Variants in XYLT1 observed in about 807,000 individuals in gnomAD.
XYLT1 encodes xylosyltransferase 1.
Under a neutral mutation model 91.3 loss-of-function variants are expected in XYLT1, and 36 were observed. The ratio of observed to expected loss-of-function variants is 0.39; its 90% CI spans 0.30 to 0.52. XYLT1 has a LOEUF of 0.52. Among genes scored for constraint, XYLT1 ranks in the 20% least tolerant of loss-of-function variants. The pLI is 0.68. For synonymous variants in XYLT1, 588 were observed against 532.0 expected, an observed-to-expected ratio of 1.11 and a Z score of -1.45; for missense variants, 1,242 against 1,284.5, an observed-to-expected ratio of 0.97 and a Z score of 0.51.
chr16:17,307,656 G>A (rs902734471), intron 2 of XYLT1, among the ~76,000 whole-genome samples: 9 of 152,182 alleles, frequency 5.9e-5, no homozygotes, highest in African/African-American at 1.9e-4. Context: ...TCTGCACAGT[G>A]AGCTGGAAAA....
At chr16:17,466,338 T>G (rs1437053318) in intron 1 of XYLT1, among the ~76,000 whole-genome samples, 1 of 152,174 alleles carries the variant, frequency 6.6e-6, no homozygotes, top group African/African-American at 2.4e-5. Flanking sequence ...TATAGATGGA[T>G]TTATGACCTT....
chr16:17,309,717 CT>C (rs1455507529), intron 2 of XYLT1, among the ~76,000 whole-genome samples: 1 of 152,214 alleles, frequency 6.6e-6, no homozygotes, highest in Non-Finnish European at 1.5e-5. Context: ...CAAAGGGATT[CT>C]TTGGAAGCAC....
intron 2 of XYLT1, among the ~76,000 whole-genome samples, chr16:17,305,970 G>A (rs2034465159): frequency 6.6e-6 from 1 of 152,078 alleles, no homozygotes; most frequent in Non-Finnish European, 1.5e-5. Flanking sequence ...GACAGGAAGG[G>A]ACAGTACCCT....
intron 1 of XYLT1, among the ~76,000 whole-genome samples, chr16:17,425,006 G>A (rs1407978490): frequency 6.6e-6 from 1 of 152,102 alleles, no homozygotes; most frequent in African/African-American, 2.4e-5. Flanking sequence ...ACCTCCTGTG[G>A]CATCAGCCTC....
chr16:17,237,652 T>C (rs926638821), intron 3 of XYLT1, among the ~76,000 whole-genome samples: 12 of 152,224 alleles, frequency 7.9e-5, no homozygotes, highest in African/African-American at 2.9e-4. Context: ...TTCATCAGCA[T>C]TTCTTACCAG....
intron 5 of XYLT1, among the ~76,000 whole-genome samples, chr16:17,162,721 A>G (rs1394233386): frequency 6.6e-6 from 1 of 152,366 alleles, no homozygotes; most frequent in African/African-American, 2.4e-5. Context: ...CCCAATACCT[A>G]TTGAGCAACA....
At chr16:17,273,194 T>C (rs1305755202) in intron 2 of XYLT1, among the ~76,000 whole-genome samples, 1 of 152,238 alleles carries the variant, frequency 6.6e-6, no homozygotes, top group African/African-American at 2.4e-5. Flanking sequence ...AGCTGAATTT[T>C]CTAGGAAAGT....
intron 1 of XYLT1, among the ~76,000 whole-genome samples, chr16:17,363,048 C>G (rs2035405073): frequency 6.6e-6 from 1 of 152,220 alleles, no homozygotes; most frequent in African/African-American, 2.4e-5. Context: ...CTCACTGTCA[C>G]TCATCATCCA....
intron 5 of XYLT1, among the ~76,000 whole-genome samples, chr16:17,185,740 C>T (rs1230143154): frequency 1.3e-5 from 2 of 152,174 alleles, no homozygotes; most frequent in African/African-American, 4.8e-5. Context: ...GTGGCTCACA[C>T]CTGTAATCCT....
chr16:17,139,563 G>A (rs1374888769), intron 7 of XYLT1, among the ~76,000 whole-genome samples: 2 of 152,102 alleles, frequency 1.3e-5, no homozygotes, highest in Admixed American at 6.5e-5. Context: ...GGCTCCAGCC[G>A]CCACCCCCTG....
In XYLT1 at chr16:17,470,763, G is replaced by A; in HGVS notation, c.34C>T (p.Arg12Trp). The A allele has an allele frequency of 1.3e-5, 14 of 1,077,696 alleles. No homozygotes were observed. Among genetic ancestry groups the A allele is most frequent in the Non-Finnish European group, 1.5e-5 (13 of 882,954 alleles). The allele number at this position is 1,077,696 out of a possible 1,614,324, so 66.8% of individuals were successfully genotyped here. The part of the protein sequence containing the change: ...VAAPCARRLA[R>W]RSHSALLAAL... The stretch of plus-strand genomic sequence containing the variant: ...GCGAGCAGCGCCGAGTGCGAGCGCC[G>A]GGCCAGCCTCCGGGCGCACGGCGCC... Residue 12 changes from arginine to tryptophan, a missense_variant, in exon 1 of 12, where the codon CGG becomes TGG. By Grantham distance (101) the Arg-to-Trp change is moderately radical. Coordinates refer to ENST00000261381, the MANE Select transcript of XYLT1 (RefSeq NM_022166.4).
chr16:17,407,771 G>A (rs1288414321), intron 1 of XYLT1, among the ~76,000 whole-genome samples: 2 of 152,236 alleles, frequency 1.3e-5, no homozygotes, highest in East Asian at 1.9e-4. Flanking sequence ...CTCTGCTATG[G>A]CTTAGATGTG....
chr16:17,246,326 T>C (rs921936928), intron 3 of XYLT1, among the ~76,000 whole-genome samples: 1 of 152,228 alleles, frequency 6.6e-6, no homozygotes, highest in Non-Finnish European at 1.5e-5. Flanking sequence ...ATAGAGACCT[T>C]AGCTCCCTGT....
intron 6 of XYLT1, among the ~76,000 whole-genome samples, chr16:17,158,258 C>A (rs1597157992): frequency 6.6e-6 from 1 of 152,182 alleles, no homozygotes; most frequent in South Asian, 2.1e-4. Context: ...GTGCCTCCCA[C>A]CCCTGCTGAT....
chr16:17,171,737 C>T (rs767554002), intron 5 of XYLT1, among the ~76,000 whole-genome samples: 5 of 152,336 alleles, frequency 3.3e-5, no homozygotes, highest in Middle Eastern at 6.8e-3. Flanking sequence ...CAGGTTGGGG[C>T]TGGGCAGCTG....
At chr16:17,221,119 A>G (rs1449817380) in intron 3 of XYLT1, among the ~76,000 whole-genome samples, 1 of 152,008 alleles carries the variant, frequency 6.6e-6, no homozygotes, top group Non-Finnish European at 1.5e-5. Flanking sequence ...TCACCTCCTA[A>G]CATATTGTTT....
chr16:17,397,841 T>G (rs886693674), intron 1 of XYLT1, among the ~76,000 whole-genome samples: 3 of 150,316 alleles, frequency 2.0e-5, no homozygotes, highest in African/African-American at 7.4e-5. Context: ...TTTTTTTTTT[T>G]TTTTTTTGAG....
chr16:17,469,968 G>C (rs2036959982), intron 1 of XYLT1, among the ~76,000 whole-genome samples: 1 of 152,168 alleles, frequency 6.6e-6, no homozygotes, highest in South Asian at 2.1e-4. Context: ...CGCAGGCCAG[G>C]ACGAACAGAG....
chr16:17,209,325 T>C (rs944663479), intron 3 of XYLT1, among the ~76,000 whole-genome samples: 1 of 152,248 alleles, frequency 6.6e-6, no homozygotes. Flanking sequence ...TCGTAGCCTA[T>C]GTCAGAATTT....
Sources: allele counts gnomAD v4.1 joint callset (sites outside exome capture counted in the v4.1 genomes callset), GRCh38; gene constraint gnomAD v4.1.1; transcripts MANE v1.5; gene names NCBI Gene and HGNC (gene_info 2026-07-23, HGNC 2026-07-21).